SAV1: variants seen among roughly 807,000 people sequenced by gnomAD.
SAV1 encodes the protein protein salvador homolog 1.
A neutral mutation model predicts 47.3 loss-of-function variants in SAV1; 23 were observed. The observed-to-expected ratio is 0.49, with a 90% CI of 0.35 to 0.69. The LOEUF is 0.69. Ranked by LOEUF, SAV1 falls within the 30% of genes least tolerant of loss-of-function variation. The pLI is 0.01. For synonymous variants in SAV1, 155 were observed against 159.2 expected (o/e 0.97, Z 0.20); for missense variants, 448 against 457.4 (o/e 0.98, Z 0.19).
chr14:50,666,713 C>CGTTT (rs1168479232), intron 1 of SAV1, among the ~76,000 whole-genome samples: 1 of 150,232 alleles, frequency 6.7e-6, no homozygotes, highest in Non-Finnish European at 1.5e-5. Flanking sequence ...TTATTTGCAG[C>CGTTT]AAACAGCAAG....
intron 2 of SAV1, chr14:50,664,948 T>C (rs1017456175): frequency 5.5e-5 from 25 of 454,446 alleles, no homozygotes; most frequent in Non-Finnish European, 3.9e-5. Flanking sequence ...AGCCTTGAGA[T>C]AAATACCAAG....
chr14:50,655,068 C>G (rs1193230863), intron 2 of SAV1, among the ~76,000 whole-genome samples: 3 of 152,128 alleles, frequency 2.0e-5, no homozygotes, highest in Admixed American at 6.5e-5. Flanking sequence ...CCTTAGGCTT[C>G]TATTAAACTG....
chr14:50,638,330 T>G (rs1030405659), intron 4 of SAV1, among the ~76,000 whole-genome samples: 10 of 152,244 alleles, frequency 6.6e-5, no homozygotes, highest in Admixed American at 2.6e-4. Context: ...TTCCGAAAAT[T>G]GGGTGTAAAA....
chr14:50,646,685 C>CAAAAA (rs78772724), intron 2 of SAV1, among the ~76,000 whole-genome samples: 2 of 76,318 alleles, frequency 2.6e-5, no homozygotes, highest in African/African-American at 4.5e-5. Flanking sequence ...AACTCTGTCT[C>CAAAAA]AAAAAAAAAA....
chr14:50,667,830 T>G, intron 1 of SAV1, 44 bp downstream of exon 1: 1 of 1,563,384 alleles, frequency 6.4e-7, no homozygotes. Context: ...CCGGAGCACC[T>G]GGCCGCCTGG....
intron 2 of SAV1, among the ~76,000 whole-genome samples, chr14:50,656,722 G>A (rs1275244993): frequency 1.3e-5 from 2 of 152,036 alleles, no homozygotes; most frequent in Non-Finnish European, 2.9e-5. Context: ...GATTACAGGC[G>A]TGAGCCACCG....
At chr14:50,657,066 G>A (rs889123678) in intron 2 of SAV1, among the ~76,000 whole-genome samples, 23 of 137,290 alleles carry the variant, frequency 1.7e-4, no homozygotes, top group African/African-American at 6.2e-4. Context: ...TCACGCTGTC[G>A]CCCATGCTGG....
chr14:50,645,092 C>A, intron 2 of SAV1, 78 bp from the exon 3 acceptor site: 1 of 1,225,318 alleles, frequency 8.2e-7, no homozygotes, highest in Non-Finnish European at 1.1e-6. Flanking sequence ...AGCAAAGTCA[C>A]AACATTAACT....
chr14:50,635,975 G>A (rs115838922), intron 4 of SAV1, among the ~76,000 whole-genome samples: 1,798 of 152,220 alleles, frequency 0.012, 35 homozygotes, highest in African/African-American at 0.041. Flanking sequence ...CCAAAGTGCT[G>A]GGATTAACTT....
At chr14:50,653,867 CAA>C (rs931825307) in intron 2 of SAV1, among the ~76,000 whole-genome samples, 6 of 113,246 alleles carry the variant, frequency 5.3e-5, no homozygotes, top group Non-Finnish European at 5.6e-5. Context: ...GACTCCATCT[CAA>C]AAAAAAAAAA....
chr14:50,663,539 C>T (rs1177694069), intron 2 of SAV1, among the ~76,000 whole-genome samples: 3 of 152,166 alleles, frequency 2.0e-5, no homozygotes, highest in Non-Finnish European at 2.9e-5. Context: ...AAAACCTCTC[C>T]TCTACAATGT....
chr14:50,644,838 G>A lies in SAV1; in HGVS notation c.712C>T (p.Pro238Ser). ...SHPLEREGLP[P>S]GWERVESSEF... Reference sequence around the variant, plus strand: ...GATGACTCAACTCGTTCCCATCCAGGAGGAAGTCCTTCTCGCTCAAGAGGA... The same window carrying A: ...GATGACTCAACTCGTTCCCATCCAGAAGGAAGTCCTTCTCGCTCAAGAGGA... Residue 238 changes from proline (P) to serine (S), a missense_variant, in exon 3 of 5, where the codon CCT (proline) becomes TCT (serine). Physicochemically the swap from Pro to Ser is moderately conservative, Grantham distance 74. Coordinates refer to ENST00000324679, the MANE Select transcript of SAV1 (RefSeq NM_021818.4). The A allele has an allele frequency of 3.1e-6, 5 of 1,614,126 alleles. No individual in the cohort carries two copies. Among genetic ancestry groups the A allele is most frequent in the Non-Finnish European group, 4.2e-6 (5 of 1,180,022 alleles).
intron 4 of SAV1, 114 bp downstream of exon 4, chr14:50,640,636 A>C (rs2039673095): frequency 1.2e-6 from 1 of 827,696 alleles, no homozygotes; most frequent in South Asian, 2.9e-5. Flanking sequence ...ATTACTTAGA[A>C]GCCGAATATT....
intron 2 of SAV1, among the ~76,000 whole-genome samples, chr14:50,654,452 T>C (rs2039795704): frequency 6.6e-6 from 1 of 152,230 alleles, no homozygotes; most frequent in Admixed American, 6.5e-5. Flanking sequence ...CCACTTCTTA[T>C]TTTAGTTTAG....
chr14:50,640,739 A>C lies in SAV1; in HGVS notation c.950+11T>G. ...ACTCCTCAAACAAATTTGTGTTGTA[A>C]ATGTACTTACTTCACAGGGGCTCGT... On this transcript the variant is annotated intron_variant, in intron 4 of 4. Coordinates refer to ENST00000324679, the MANE Select transcript of SAV1 (RefSeq NM_021818.4). The C allele has an allele frequency of 6.2e-7, 1 of 1,608,918 alleles. No homozygotes were observed. The highest frequency in any genetic ancestry group is 8.5e-7 in the Non-Finnish European group (1 of 1,176,934).
chr14:50,667,342 C>G, intron 1 of SAV1: 1 of 448,458 alleles, frequency 2.2e-6, no homozygotes, highest in South Asian at 1.6e-5. Context: ...AGTGATGAGG[C>G]TTTGGGTGGC....
chr14:50,668,072 C>G lies in SAV1; in HGVS notation c.-105G>C. On this transcript the variant is annotated 5_prime_UTR_variant, in exon 1 of 5. Coordinates refer to ENST00000324679, the MANE Select transcript of SAV1 (RefSeq NM_021818.4). ...CTCCGCCGGCGCCGCCGCCTCCTTC[C>G]CTCCCGAGCCGCCGCCTCCGCCGCC... The G allele has an allele frequency of 2.8e-6, 2 of 721,742 alleles. No homozygotes were observed. Among genetic ancestry groups the G allele is most frequent in the South Asian group, 9.9e-5 (2 of 20,144 alleles). 44.7% of individuals were successfully genotyped at this position (721,742 alleles called of 1,614,324 possible).
chr14:50,650,285 G>C (rs972589529), intron 2 of SAV1, among the ~76,000 whole-genome samples: 1 of 152,164 alleles, frequency 6.6e-6, no homozygotes, highest in Non-Finnish European at 1.5e-5. Context: ...TAGCAAACTG[G>C]ATGATTACAC....
intron 2 of SAV1, among the ~76,000 whole-genome samples, chr14:50,649,868 A>G (rs59803881): frequency 0.011 from 1,727 of 152,348 alleles, 30 homozygotes; most frequent in African/African-American, 0.039. Flanking sequence ...AATGGTCAAA[A>G]TAAGAAAGAC....
Sources: allele counts gnomAD v4.1 joint callset (sites outside exome capture counted in the v4.1 genomes callset), GRCh38; gene constraint gnomAD v4.1.1; transcripts MANE v1.5; gene names NCBI Gene and HGNC (gene_info 2026-07-23, HGNC 2026-07-21).